FOXP1: variants seen among roughly 807,000 people sequenced by gnomAD.
FOXP1 encodes the protein forkhead box protein P1.
Under a neutral mutation model 98.2 loss-of-function variants are expected in FOXP1, and 15 were observed. That is an observed-to-expected ratio of 0.15 (90% CI 0.10 to 0.24). The LOEUF (loss-of-function observed/expected upper bound fraction) is 0.24, where lower values mean the gene tolerates loss of function less well. FOXP1 is among the 10% of genes least tolerant of loss of function. FOXP1 has a pLI of 1.00. For missense variants in FOXP1, 633 were observed against 848.5 expected (o/e 0.75, Z 3.15); for synonymous variants, 371 against 314.5 (o/e 1.18, Z -1.90).
chr3:71,582,338 G>A (rs997511899), intron 1 of FOXP1: 3 of 968,320 alleles, frequency 3.1e-6, no homozygotes, highest in Non-Finnish European at 1.2e-6. Context: ...AAATGACCGC[G>A]ACCCCGCGGC....
intron 4 of FOXP1, among the ~76,000 whole-genome samples, chr3:71,337,749 A>G (rs986436766): frequency 6.6e-6 from 1 of 152,218 alleles, no homozygotes; most frequent in Non-Finnish European, 1.5e-5. Flanking sequence ...AGGATAATGT[A>G]GCTGTGATCA....
intron 7 of FOXP1, among the ~76,000 whole-genome samples, chr3:71,111,698 C>A (rs2057943334): frequency 2.0e-5 from 3 of 152,122 alleles, no homozygotes; most frequent in Admixed American, 2.0e-4. Context: ...CATGCCTGGC[C>A]CCAAATTAGA....
At chr3:71,172,380 C>A (rs777367955) in intron 6 of FOXP1, among the ~76,000 whole-genome samples, 31 of 152,132 alleles carry the variant, frequency 2.0e-4, no homozygotes, top group African/African-American at 7.0e-4. Context: ...CGAGGGAATC[C>A]ATCGGGTTTC....
chr3:71,009,166 G>GGGGGC (rs1553690042), intron 12 of FOXP1, among the ~76,000 whole-genome samples: 2 of 101,316 alleles, frequency 2.0e-5, no homozygotes, highest in African/African-American at 7.4e-5. Context: ...GGGGGGGGGG[G>GGGGGC]GGCGCATGAC....
chr3:71,503,648 C>T (rs2041588929), intron 2 of FOXP1, among the ~76,000 whole-genome samples: 1 of 149,580 alleles, frequency 6.7e-6, no homozygotes, highest in South Asian at 2.1e-4. Flanking sequence ...TGTAGCACCA[C>T]ACTATGGTAA....
chr3:70,990,021 A>G (rs1430197137), intron 13 of FOXP1, among the ~76,000 whole-genome samples: 1 of 152,236 alleles, frequency 6.6e-6, no homozygotes, highest in South Asian at 2.1e-4. Context: ...AAACCCTGGA[A>G]GTAACTGCCA....
At chr3:71,227,862 T>G (rs2065964158) in intron 5 of FOXP1, among the ~76,000 whole-genome samples, 1 of 152,152 alleles carries the variant, frequency 6.6e-6, no homozygotes, top group Non-Finnish European at 1.5e-5. Context: ...GAGGAGTGCC[T>G]TCTGGGCTAG....
At chr3:71,015,432 C>T in intron 12 of FOXP1, 117 bp downstream of exon 12, 1 of 681,800 alleles carries the variant, frequency 1.5e-6, no homozygotes, top group Non-Finnish European at 2.7e-6. Flanking sequence ...GATTTAGAGT[C>T]CACTCTCAAA....
At chr3:71,102,146 C>G (rs1275459545) in intron 7 of FOXP1, among the ~76,000 whole-genome samples, 1 of 152,060 alleles carries the variant, frequency 6.6e-6, no homozygotes, top group African/African-American at 2.4e-5. Context: ...GGGATATGTT[C>G]TCTTTAAAAT....
intron 5 of FOXP1, among the ~76,000 whole-genome samples, chr3:71,287,151 T>G (rs1306567267): frequency 6.6e-6 from 1 of 152,160 alleles, no homozygotes; most frequent in Non-Finnish European, 1.5e-5. Context: ...AAAGTATATA[T>G]AGACAAATGT....
chr3:71,208,138 T>G (rs2064182950), intron 5 of FOXP1, among the ~76,000 whole-genome samples: 1 of 152,166 alleles, frequency 6.6e-6, no homozygotes, highest in African/African-American at 2.4e-5. Context: ...TCCAACAGGA[T>G]CATATCAAGC....
intron 5 of FOXP1, among the ~76,000 whole-genome samples, chr3:71,283,068 T>C (rs1163195690): frequency 6.6e-6 from 1 of 152,178 alleles, no homozygotes; most frequent in Non-Finnish European, 1.5e-5. Flanking sequence ...CAGAGCATGG[T>C]CCAGGCCATG....
intron 12 of FOXP1, among the ~76,000 whole-genome samples, chr3:71,005,288 A>C: frequency 8.8e-6 from 1 of 113,928 alleles, no homozygotes; most frequent in South Asian, 3.3e-4. Context: ...ACTGAATCAG[A>C]GGTGGAGAGA....
chr3:71,050,160 A>G (rs1480101798), intron 9 of FOXP1, among the ~76,000 whole-genome samples: 6 of 152,088 alleles, frequency 3.9e-5, no homozygotes, highest in Non-Finnish European at 8.8e-5. Flanking sequence ...AAACTCAGGG[A>G]CCACTATCAT....
intron 5 of FOXP1, among the ~76,000 whole-genome samples, chr3:71,274,655 C>T (rs527490989): frequency 2.6e-5 from 4 of 152,188 alleles, no homozygotes; most frequent in East Asian, 1.9e-4. Flanking sequence ...CAGTGATCCA[C>T]GGAGGTGGAG....
chr3:71,453,866 T>A (rs1465319246), intron 3 of FOXP1, among the ~76,000 whole-genome samples: 1 of 152,170 alleles, frequency 6.6e-6, no homozygotes, highest in Admixed American at 6.5e-5. Context: ...ATGGAAAGAC[T>A]CTCCTCATCC....
intron 3 of FOXP1, among the ~76,000 whole-genome samples, chr3:71,382,925 A>T (rs2080288133): frequency 6.6e-6 from 1 of 152,150 alleles, no homozygotes; most frequent in South Asian, 2.1e-4. Flanking sequence ...AGGCCTTGGG[A>T]GCCACTGTTC....
At chr3:71,022,963 G>A (rs1317207554) in intron 11 of FOXP1, among the ~76,000 whole-genome samples, 2 of 152,080 alleles carry the variant, frequency 1.3e-5, no homozygotes, top group Non-Finnish European at 2.9e-5. Context: ...TGTGGAGCAG[G>A]GGGCTGGTTG....
chr3:71,461,383 TG>T (rs1322834349), intron 3 of FOXP1, among the ~76,000 whole-genome samples: 1 of 152,180 alleles, frequency 6.6e-6, no homozygotes, highest in African/African-American at 2.4e-5. Flanking sequence ...GGAGATCTCA[TG>T]CAACATAGTA....
Sources: gnomAD v4.1 joint callset for allele counts (sites outside exome capture counted in the v4.1 genomes callset) on GRCh38, gnomAD v4.1.1 for gene constraint, MANE v1.5 for transcripts, NCBI Gene and HGNC (gene_info 2026-07-23, HGNC 2026-07-21) for gene names.